The following PARD3B variants were observed in gnomAD, a reference collection of about 807,000 sequenced individuals.
PARD3B encodes partitioning defective 3 homolog B.
A neutral mutation model predicts 130.2 loss-of-function variants in PARD3B; 103 were observed. The ratio of observed to expected loss-of-function variants is 0.79; its 90% CI spans 0.67 to 0.93. PARD3B has a LOEUF of 0.93. PARD3B is among the 40% of genes least tolerant of loss of function. PARD3B has a pLI of 0.00. For synonymous variants in PARD3B, 583 were observed against 553.2 expected (o/e 1.05, Z -0.76); for missense variants, 1,609 against 1,499.2 (o/e 1.07, Z -1.21).
At chr2:205,349,370 G>A (rs1169997652) in intron 18 of PARD3B, among the ~76,000 whole-genome samples, 1 of 152,104 alleles carries the variant, frequency 6.6e-6, no homozygotes, top group African/African-American at 2.4e-5. Flanking sequence ...AATCTCACTT[G>A]GTGTTTGTTT....
intron 21 of PARD3B, among the ~76,000 whole-genome samples, chr2:205,539,165 G>A (rs2052006533): frequency 6.6e-6 from 1 of 152,128 alleles, no homozygotes; most frequent in Non-Finnish European, 1.5e-5. Context: ...CGCATTAGGA[G>A]TGATGGTGCT....
At chr2:205,436,943 A>T (rs1338557704) in intron 19 of PARD3B, among the ~76,000 whole-genome samples, 9 of 152,004 alleles carry the variant, frequency 5.9e-5, no homozygotes, top group Non-Finnish European at 1.2e-4. Context: ...GCTCAGGGGA[A>T]ATATCTCTCT....
At chr2:205,153,958 C>G (rs572858479) in intron 10 of PARD3B, among the ~76,000 whole-genome samples, 1 of 152,014 alleles carries the variant, frequency 6.6e-6, no homozygotes, top group Non-Finnish European at 1.5e-5. Flanking sequence ...AGAAAACCTA[C>G]GCAATATCAT....
chr2:204,815,414 GTCTTC>G (rs1385360442), intron 2 of PARD3B, among the ~76,000 whole-genome samples: 4 of 151,822 alleles, frequency 2.6e-5, no homozygotes, highest in African/African-American at 9.7e-5. Context: ...CCGAATTTGT[GTCTTC>G]TCTTTTGTAT....
rs1361686416 is a variant in PARD3B at position 205,142,813 on chromosome 2, G to T, written c.1435-15909G>T. Among the ~76,000 whole-genome samples the T allele has an allele frequency of 6.6e-6, 1 of 152,052 alleles. No homozygotes were observed. Among genetic ancestry groups the T allele is most frequent in the Admixed American group, 6.6e-5 (1 of 15,258 alleles). On this transcript the variant is annotated intron_variant, in intron 10 of 22. Coordinates refer to ENST00000406610, the MANE Select transcript of PARD3B (RefSeq NM_001302769.2). The surrounding 1 kb of genome is among the most constrained non-coding windows in gnomAD (Gnocchi z 4.3). ...GAATCGTTTGAACCCGGGAGGCAGAGGTTGCAGTGAGCCGAGATCACGCCA... is the reference window on the plus strand; with the variant it reads ...GAATCGTTTGAACCCGGGAGGCAGATGTTGCAGTGAGCCGAGATCACGCCA...
intron 20 of PARD3B, among the ~76,000 whole-genome samples, chr2:205,462,470 A>C (rs2048483523): frequency 6.6e-6 from 1 of 152,180 alleles, no homozygotes. Context: ...TGAGGCTCTT[A>C]ACCACCAGTG....
intron 3 of PARD3B, among the ~76,000 whole-genome samples, chr2:205,025,928 T>G (rs866653251): frequency 1.3e-5 from 2 of 152,240 alleles, no homozygotes; most frequent in African/African-American, 2.4e-5. Context: ...TTCTGCATGC[T>G]TGCTTAACCT....
intron 19 of PARD3B, among the ~76,000 whole-genome samples, chr2:205,423,163 T>C (rs849256): frequency 0.97 from 147,405 of 152,254 alleles, 71,489 homozygotes; most frequent in East Asian, 1. Flanking sequence ...ATTAGCTTGT[T>C]GGACCTTCTC....
chr2:205,257,072 A>G (rs548321484), intron 16 of PARD3B, among the ~76,000 whole-genome samples: 42 of 152,290 alleles, frequency 2.8e-4, no homozygotes, highest in African/African-American at 7.7e-4. Context: ...TTAGAGGCCC[A>G]TGATGCCCAA....
At chr2:205,200,579 G>A (rs1362525328) in intron 15 of PARD3B, among the ~76,000 whole-genome samples, 1 of 152,154 alleles carries the variant, frequency 6.6e-6, no homozygotes, top group African/African-American at 2.4e-5. Context: ...AAAGAATGAT[G>A]CATTCATTCA....
At chr2:204,615,324 A>G (rs1047151446) in intron 1 of PARD3B, among the ~76,000 whole-genome samples, 4 of 152,174 alleles carry the variant, frequency 2.6e-5, no homozygotes, top group African/African-American at 9.6e-5. Flanking sequence ...ATTCTGTCAC[A>G]TTAAAATCCA....
intron 15 of PARD3B, among the ~76,000 whole-genome samples, chr2:205,220,790 GCTAT>G (rs1559555694): frequency 6.6e-6 from 1 of 152,164 alleles, no homozygotes; most frequent in African/African-American, 2.4e-5. Flanking sequence ...GAACTTTGTG[GCTAT>G]CTGTGAGAAT....
intron 2 of PARD3B, among the ~76,000 whole-genome samples, chr2:204,759,305 A>G (rs919892385): frequency 6.6e-6 from 1 of 152,140 alleles, no homozygotes; most frequent in Non-Finnish European, 1.5e-5. Flanking sequence ...TGGTAAAGTA[A>G]AACTTTTCAA....
intron 13 of PARD3B, among the ~76,000 whole-genome samples, chr2:205,181,159 C>T (rs1463222589): frequency 6.6e-6 from 1 of 152,182 alleles, no homozygotes; most frequent in Non-Finnish European, 1.5e-5. Flanking sequence ...TCATCTCCAT[C>T]TCAAATCAAA....
chr2:205,156,999 A>T (rs1171745366), intron 10 of PARD3B, among the ~76,000 whole-genome samples: 1 of 152,222 alleles, frequency 6.6e-6, no homozygotes, highest in Non-Finnish European at 1.5e-5. Flanking sequence ...ATTTGAAGGT[A>T]TTACTAAAGC....
At chr2:205,554,830 C>A (rs886656906) in intron 22 of PARD3B, among the ~76,000 whole-genome samples, 1 of 152,016 alleles carries the variant, frequency 6.6e-6, no homozygotes, top group South Asian at 2.1e-4. Context: ...GATGATATAA[C>A]GTGTATGGGA....
At chr2:205,381,536 T>TA (rs1435601071) in intron 18 of PARD3B, among the ~76,000 whole-genome samples, 1 of 151,882 alleles carries the variant, frequency 6.6e-6, no homozygotes, top group African/African-American at 2.4e-5. Context: ...CCTCTAGTTT[T>TA]ACCCATTTCT....
chr2:205,331,724 G>A (rs919355235), intron 18 of PARD3B, among the ~76,000 whole-genome samples: 14 of 122,752 alleles, frequency 1.1e-4, no homozygotes, highest in South Asian at 5.7e-4. Context: ...CGGAGGTTGC[G>A]GTGAGCCAAG....
At chr2:205,539,693 C>A (rs1473459276) in intron 21 of PARD3B, among the ~76,000 whole-genome samples, 1 of 152,172 alleles carries the variant, frequency 6.6e-6, no homozygotes, top group Non-Finnish European at 1.5e-5. Flanking sequence ...GTTTAGATAT[C>A]CGGTTCTGAA....
Sources: allele counts gnomAD v4.1 joint callset (sites outside exome capture counted in the v4.1 genomes callset), GRCh38; gene constraint gnomAD v4.1.1; non-coding constraint Gnocchi (gnomAD v3.1); transcripts MANE v1.5; gene names NCBI Gene and HGNC (gene_info 2026-07-23, HGNC 2026-07-21).